PIK3AP1: variants seen among roughly 807,000 people sequenced by gnomAD.
The protein encoded by PIK3AP1 is phosphoinositide-3-kinase adaptor protein 1.
Under a neutral mutation model 88.1 loss-of-function variants are expected in PIK3AP1, and 21 were observed. The observed-to-expected ratio is 0.24, with a 90% confidence interval of 0.17 to 0.34. The LOEUF is 0.34. Ranked by LOEUF, PIK3AP1 falls within the 10% of genes least tolerant of loss-of-function variation. PIK3AP1 has a pLI of 1.00. For missense variants in PIK3AP1, 828 were observed against 1,035.7 expected (o/e 0.80, Z 2.75); for synonymous variants, 398 against 400.0 (o/e 1.00, Z 0.06).
rs1848737681 is a variant in PIK3AP1 at position 96,595,414 on chromosome 10, T to C, written c.*163A>G. 7 of 720,842 alleles carry C rather than the reference T, an allele frequency of 9.7e-6. No individual in the cohort carries two copies. The highest frequency in any genetic ancestry group is 2.6e-4 in the Middle Eastern group (1 of 3,904). 44.7% of individuals were successfully genotyped at this position (720,842 alleles called of 1,614,324 possible). On this transcript the variant is annotated 3_prime_UTR_variant, in exon 17 of 17. Coordinates refer to ENST00000339364, the MANE Select transcript of PIK3AP1 (RefSeq NM_152309.3). Reference sequence around the variant, plus strand: ...TTCACTTCTTCGTGCCTTAATAAAATCTTCGAGGCAAGCCCAAACCAGCAG... The same window carrying C: ...TTCACTTCTTCGTGCCTTAATAAAACCTTCGAGGCAAGCCCAAACCAGCAG...
At chr10:96,674,869 T>A (rs543360297) in intron 2 of PIK3AP1, among the ~76,000 whole-genome samples, 1 of 152,216 alleles carries the variant, frequency 6.6e-6, no homozygotes, top group Non-Finnish European at 1.5e-5. Context: ...AAAGCTAAAA[T>A]GAGATTAAAC....
chr10:96,718,991 T>C (rs1227484971), intron 1 of PIK3AP1, among the ~76,000 whole-genome samples: 2 of 152,198 alleles, frequency 1.3e-5, no homozygotes, highest in Non-Finnish European at 2.9e-5. Flanking sequence ...TTCTCCACCC[T>C]GGCCACCTCA....
Position 96,616,622 on chromosome 10 carries a change from C to A in PIK3AP1, c.2014+17G>T. 6.2e-7 allele frequency: 1 copy of A among 1,612,912 alleles called. No homozygotes were observed. Among genetic ancestry groups the A allele is most frequent in the African/African-American group, 1.3e-5 (1 of 75,000 alleles). On this transcript the variant is annotated intron_variant, in intron 13 of 16. Coordinates refer to ENST00000339364, the MANE Select transcript of PIK3AP1 (RefSeq NM_152309.3). ...AGCAATGTCCCACACAATGCAGCAC[C>A]CTAGGAAGCCACATACCTGTCTGCT...
chr10:96,620,767 G>T (rs956453415), intron 11 of PIK3AP1: 11 of 532,340 alleles, frequency 2.1e-5, no homozygotes, highest in African/African-American at 1.3e-4. Flanking sequence ...AGTAGACAAG[G>T]CTGCAACATT....
At chr10:96,646,274 A>G (rs1465373767) in intron 7 of PIK3AP1, among the ~76,000 whole-genome samples, 1 of 150,586 alleles carries the variant, frequency 6.6e-6, no homozygotes, top group Non-Finnish European at 1.5e-5. Flanking sequence ...AAAAAAAAAT[A>G]CTTTCCCGTG....
chr10:96,638,878 T>G (rs554809556), intron 8 of PIK3AP1, among the ~76,000 whole-genome samples: 2 of 152,362 alleles, frequency 1.3e-5, no homozygotes, highest in South Asian at 4.1e-4. Flanking sequence ...GCAAGTTTCA[T>G]GCCAGCTTGT....
chr10:96,657,158 A>G (rs1205872071), intron 2 of PIK3AP1, among the ~76,000 whole-genome samples: 45 of 152,184 alleles, frequency 3.0e-4, no homozygotes, highest in Non-Finnish European at 4.4e-5. Flanking sequence ...AGGGATGACA[A>G]TCATGGAGGG....
At position 96,651,500 on chromosome 10, in the gene PIK3AP1, T is replaced by C; in HGVS notation, c.855+9A>G. ...CCAGAAATCTCAGGTTTCCTTGTAA[T>C]ATCCTTACCTGACACATGAATTCCA... On this transcript the variant is annotated intron_variant, in intron 5 of 16. Transcript: ENST00000339364. 6 of 1,614,204 alleles carry C rather than the reference T, an allele frequency of 3.7e-6. No homozygotes were observed. Among genetic ancestry groups the C allele is most frequent in the Middle Eastern group, 1.6e-4 (1 of 6,062 alleles).
chr10:96,703,631 C>A (rs990437354), intron 2 of PIK3AP1, among the ~76,000 whole-genome samples: 1 of 152,198 alleles, frequency 6.6e-6, no homozygotes, highest in Non-Finnish European at 1.5e-5. Flanking sequence ...GAAATAATTT[C>A]TGTGCTGTAC....
intron 2 of PIK3AP1, among the ~76,000 whole-genome samples, chr10:96,704,705 C>T (rs1015487674): frequency 6.8e-6 from 1 of 147,990 alleles, no homozygotes; most frequent in Non-Finnish European, 1.5e-5. Context: ...GGTGACAGAG[C>T]GAGACTCTAT....
intron 1 of PIK3AP1, among the ~76,000 whole-genome samples, chr10:96,712,184 G>A (rs1564992697): frequency 6.6e-6 from 1 of 152,168 alleles, no homozygotes; most frequent in African/African-American, 2.4e-5. Flanking sequence ...CTTAGCAGGA[G>A]CAAGTTGATC....
At position 96,614,629 on chromosome 10, in the gene PIK3AP1, C is replaced by A. The variant is rs142891497; in HGVS notation, c.2014+2010G>T. Among the ~76,000 whole-genome samples the A allele has an allele frequency of 3.3e-3, 502 of 152,172 alleles. 3 individuals are homozygous for A. Among genetic ancestry groups the A allele is most frequent in the African/African-American group, 0.011 (476 of 41,498 alleles). On this transcript the variant is annotated intron_variant, in intron 13 of 16. Coordinates refer to ENST00000339364, the MANE Select transcript of PIK3AP1 (RefSeq NM_152309.3). ...CTGTGTTAGGCATGGTGGAACAGAC[C>A]CTAGTAGGGAAAGCCAGACCTGTGT...
rs903471733 is a variant in PIK3AP1, at chr10:96,651,361, T to C, written c.875A>G (p.Tyr292Cys). Residue 292 changes from tyrosine to cysteine, a missense_variant, in exon 6 of 17, where the codon TAC becomes TGC. This residue lies in a region of PIK3AP1 where 610 missense variants were observed against 760.1 expected (regional missense o/e 0.80). Coordinates refer to ENST00000339364, the MANE Select transcript of PIK3AP1 (RefSeq NM_152309.3). ...FMCQAFKIVPYNTETLDKLLT... is the reference protein window; with the variant it reads ...FMCQAFKIVPCNTETLDKLLT... Reference sequence around the variant, plus strand: ...CAGTTTATCAAGGGTCTCTGTGTTGTAGGGCACAATTTTAAAGGCCTGAAA... The same window carrying C: ...CAGTTTATCAAGGGTCTCTGTGTTGCAGGGCACAATTTTAAAGGCCTGAAA... 1.2e-6 allele frequency: 2 copies of C among 1,614,214 alleles called. No individual in the cohort carries two copies. Among genetic ancestry groups the C allele is most frequent in the African/African-American group, 2.7e-5 (2 of 75,050 alleles).
intron 13 of PIK3AP1, among the ~76,000 whole-genome samples, chr10:96,612,195 C>T (rs1170087667): frequency 1.3e-5 from 2 of 152,160 alleles, no homozygotes; most frequent in African/African-American, 4.8e-5. Context: ...AGCTCCTCTA[C>T]GTCCTGCTCC....
At chr10:96,675,103 G>A (rs770149843) in intron 2 of PIK3AP1, among the ~76,000 whole-genome samples, 17 of 152,104 alleles carry the variant, frequency 1.1e-4, no homozygotes, top group Non-Finnish European at 2.5e-4. Flanking sequence ...ATGTTGACCA[G>A]GCTGGCCTTG....
Position 96,642,518 on chromosome 10 carries a change from GAAAAGA to G in PIK3AP1, c.1375+2949_1375+2954del, listed in dbSNP as rs533018059. Reference sequence around the variant, plus strand: ...AAAGAAAGAAAAAAAGGAAGGAAAAGAAAAGAAAAAGAAAAGAAAGAAAAATGTGGT... The same window carrying G: ...AAAGAAAGAAAAAAAGGAAGGAAAAGAAAAGAAAAGAAAGAAAAATGTGGT... On this transcript the variant is annotated intron_variant, in intron 8 of 16. Transcript: ENST00000339364. Among the ~76,000 whole-genome samples the G allele has an allele frequency of 1.3e-4, 19 of 151,484 alleles. No homozygotes were observed. The South Asian group carries it at 4.0e-3, about 32-fold the overall frequency.
chr10:96,719,577 T>C (rs985028809), intron 1 of PIK3AP1, among the ~76,000 whole-genome samples: 2 of 152,134 alleles, frequency 1.3e-5, no homozygotes, highest in Admixed American at 1.3e-4. Context: ...ATGGAGAACA[T>C]ATTAGGTGCA....
rs781711324 is a variant in PIK3AP1, at chr10:96,709,849, C to T, written c.148G>A (p.Glu50Lys). 6 of 1,613,872 alleles carry T rather than the reference C, an allele frequency of 3.7e-6. No individual in the cohort carries two copies. In the African/African-American group the frequency reaches 5.3e-5, roughly 14 times the overall value. Residue 50 changes from glutamate to lysine, a missense_variant, in exon 2 of 17, where the codon GAG (glutamate) becomes AAG (lysine). By Grantham distance (56) the Glu-to-Lys change is moderately conservative. Around this residue, in one of 3 missense-constraint regions of PIK3AP1, gnomAD observed 610 missense variants for 760.1 expected, o/e 0.80. Coordinates refer to ENST00000339364, the MANE Select transcript of PIK3AP1 (RefSeq NM_152309.3). ...QKILTHRLGP[E>K]ASFSAEDLSL... The stretch of plus-strand genomic sequence containing the variant: ...AGGTCCTCTGCCGAGAAGGAGGCCT[C>T]GGGGCCCAGCCTGTGAGTCAGTATC...
chr10:96,705,485 T>C (rs917299228), intron 2 of PIK3AP1, among the ~76,000 whole-genome samples: 7 of 152,110 alleles, frequency 4.6e-5, no homozygotes, highest in Non-Finnish European at 7.4e-5. Flanking sequence ...CTAAAATTTG[T>C]CTCCCTGTAG....
Sources: allele counts gnomAD v4.1 joint callset (sites outside exome capture counted in the v4.1 genomes callset), GRCh38; gene constraint gnomAD v4.1.1; regional missense constraint gnomAD v4.1.1; transcripts MANE v1.5; gene names NCBI Gene and HGNC (gene_info 2026-07-23, HGNC 2026-07-21).